The following CDH15 variants were observed in gnomAD, a reference collection of about 807,000 sequenced individuals.
CDH15 encodes cadherin 15.
A neutral mutation model predicts 69.4 loss-of-function variants in CDH15; 73 were observed. The observed-to-expected ratio is 1.05, with a 90% CI of 0.87 to 1.28. The LOEUF is 1.28. Among genes scored for constraint, CDH15 ranks in the 50% most tolerant of loss-of-function variants. CDH15 has a pLI of 0.00. For synonymous variants in CDH15, 624 were observed against 507.7 expected, an observed-to-expected ratio of 1.23 and a Z score of -3.08; for missense variants, 1,343 against 1,133.6, an observed-to-expected ratio of 1.18 and a Z score of -2.65.
At chr16:89,191,264 T>C (rs1915633500) in intron 8 of CDH15, 66 bp from the exon 9 acceptor site, 2 of 1,598,204 alleles carry the variant, frequency 1.3e-6, no homozygotes, top group African/African-American at 1.3e-5. Flanking sequence ...CACGCACCCA[T>C]ACCTGACCAC....
intron 8 of CDH15, 142 bp downstream of exon 8, chr16:89,190,638 C>T (rs748294642): frequency 1.7e-5 from 19 of 1,111,474 alleles, no homozygotes; most frequent in African/African-American, 3.1e-5. Flanking sequence ...TGGAGGGTCT[C>T]GAGTCCCGAG....
chr16:89,193,916 A>G lies in CDH15; in HGVS notation c.2151+3A>G, dbSNP rs1915721745. ...ACATCGCCGACTTCATCAATGATGT[A>G]GGTGCTCCTGGGGACACCCCAGTAC... is the stretch of plus-strand genomic sequence containing the variant. On this transcript the variant is annotated splice_donor_region_variant and intron_variant, in intron 13 of 13. Transcript: ENST00000289746. 2 of 1,611,930 alleles carry G rather than the reference A, an allele frequency of 1.2e-6. No individual in the cohort carries two copies. The highest frequency in any genetic ancestry group is 1.7e-6 in the Non-Finnish European group (2 of 1,179,714).
rs750833372 is a variant in CDH15 at position 89,185,417 on chromosome 16, C to T, written c.663+84C>T. ...GGTCCCTCTGCCCCCAGCCTGCCCA[C>T]CCCAGACGCTCCTGTCCCTGCCGTC... On this transcript the variant is annotated intron_variant, in intron 5 of 13. Coordinates refer to ENST00000289746, the MANE Select transcript of CDH15 (RefSeq NM_004933.3). 17 of 1,425,346 alleles carry T rather than the reference C, an allele frequency of 1.2e-5. No individual in the cohort carries two copies. The South Asian group carries it at 2.1e-4, about 17-fold the overall frequency. 88.3% of individuals were successfully genotyped at this position (1,425,346 alleles called of 1,614,324 possible).
At chr16:89,184,922 T>C (rs2151600824) in intron 4 of CDH15, among the ~76,000 whole-genome samples, 1 of 152,318 alleles carries the variant, frequency 6.6e-6, no homozygotes, top group East Asian at 1.9e-4. Context: ...GGCAAAAGGC[T>C]TCGACCACAT....
In CDH15 at chr16:89,192,395, C is replaced by T. The variant is rs577570693; in HGVS notation, c.1806C>T (p.Leu602=). The stretch of plus-strand genomic sequence containing the variant: ...CGCTGCTGGCGGGGGGCACAGGCCT[C>T]AGCCTGGGCGCACTGGTCATCGTGC... The part of the protein sequence containing the change: ...AAALLAGGTG[L]SLGALVIVLA... Residue 602 remains leucine (L), a synonymous_variant, in exon 11 of 14, where the codon CTC becomes CTT. Transcript: ENST00000289746. 1 of 1,539,482 alleles carries T rather than the reference C, an allele frequency of 6.5e-7. No homozygotes were observed. Among genetic ancestry groups the T allele is most frequent in the African/African-American group, 1.4e-5 (1 of 73,134 alleles).
chr16:89,193,358 C>CCAG, intron 11 of CDH15, 112 bp from the exon 12 acceptor site: 7 of 609,458 alleles, frequency 1.1e-5, no homozygotes, highest in East Asian at 3.7e-5. Context: ...CAACCCCACC[C>CCAG]CTGCTTACCA....
intron 1 of CDH15, among the ~76,000 whole-genome samples, chr16:89,176,504 C>T (rs111504662): frequency 2.0e-5 from 3 of 152,208 alleles, no homozygotes; most frequent in Non-Finnish European, 4.4e-5. Context: ...AGGCCTCCCA[C>T]GCAGGGTCCC....
At chr16:89,181,861 C>A (rs534359946) in intron 3 of CDH15, among the ~76,000 whole-genome samples, 5 of 151,836 alleles carry the variant, frequency 3.3e-5, no homozygotes, top group Admixed American at 2.6e-4. Flanking sequence ...ATCGCTGGAA[C>A]CCGGGAGGCG....
In CDH15 at chr16:89,195,086, G is replaced by A. The variant is rs1481366011; in HGVS notation, c.2376G>A (p.Trp792Ter). 3 of 1,611,558 alleles carry A rather than the reference G, an allele frequency of 1.9e-6. No individual in the cohort carries two copies. Among genetic ancestry groups the A allele is most frequent in the Non-Finnish European group, 2.5e-6 (3 of 1,179,232 alleles). ...GCGGGTTGGAGTACGGGGCCAGATG[G>A]GACCACCAGGCCAGGGAGGGTCTTT... is the stretch of plus-strand genomic sequence containing the variant. Reference protein sequence around the residue: ...HPCGLEYGARWDHQAREGLSP... With the variant: ...HPCGLEYGAR The change falls in exon 14 of 14, where the codon TGG becomes TGA. Residue 792 changes from tryptophan (W) to a stop codon, truncating the protein, a stop_gained. Coordinates refer to ENST00000289746, the MANE Select transcript of CDH15 (RefSeq NM_004933.3). LOFTEE classifies it low-confidence loss of function (END_TRUNC).
intron 8 of CDH15, 31 bp from the exon 9 acceptor site, chr16:89,191,299 C>G (rs1597311642): frequency 6.2e-7 from 1 of 1,612,298 alleles, no homozygotes; most frequent in Middle Eastern, 1.6e-4. Context: ...GGGGTAAACT[C>G]AGATCCCACT....
In CDH15 at chr16:89,192,453, G is replaced by A. The variant is rs754091466; in HGVS notation, c.1855+9G>A. The A allele has an allele frequency of 4.0e-5, 63 of 1,561,838 alleles. No individual in the cohort carries two copies. In the East Asian group the frequency reaches 8.5e-4, roughly 21 times the overall value. ...CGCCCTCCTGCTGCTGGGTGAGTGA[G>A]CGCCCCGCCTCCACCTGGACCCTCG... On this transcript the variant is annotated intron_variant, in intron 11 of 13. Coordinates refer to ENST00000289746, the MANE Select transcript of CDH15 (RefSeq NM_004933.3).
At chr16:89,181,846 G>A (rs944745907) in intron 3 of CDH15, among the ~76,000 whole-genome samples, 2 of 151,888 alleles carry the variant, frequency 1.3e-5, no homozygotes, top group African/African-American at 4.8e-5. Context: ...GGCTGAGGCA[G>A]GAGAATCGCT....
intron 13 of CDH15, 74 bp from the exon 14 acceptor site, chr16:89,194,788 C>T (rs1217842888): frequency 6.8e-7 from 1 of 1,469,316 alleles, no homozygotes; most frequent in Admixed American, 2.0e-5. Context: ...TGACTTTGCC[C>T]TGGGCTGTGG....
In CDH15 at chr16:89,186,084, T is replaced by C. The variant is rs377209883; in HGVS notation, c.663+751T>C. On this transcript the variant is annotated intron_variant, in intron 5 of 13. Transcript: ENST00000289746. ...CGCACAGTGGTGCTCTGTAAACGCT[T>C]ACCCAGCGCACAGTAGGTGCTCTGT... The C allele has an allele frequency of 1.9e-3, 259 of 133,674 alleles. 1 individual carries two copies. The highest frequency in any genetic ancestry group is 6.8e-3 in the East Asian group (28 of 4,124). The allele number at this position is 133,674 out of a possible 1,614,324, so 8.3% of individuals were successfully genotyped here. A position where few individuals can be genotyped will look rare whatever the true frequency, so the allele number is the denominator to read the frequency against.
chr16:89,191,519 G>A (rs535865456), intron 9 of CDH15, 47 bp downstream of exon 9: 82 of 1,605,600 alleles, frequency 5.1e-5, no homozygotes, highest in African/African-American at 8.0e-5. Flanking sequence ...GCCTTGTCCC[G>A]GCTGAGCACC....
rs1010142030 is a variant in CDH15, at chr16:89,181,958, AAAG to A, written c.358-1582_358-1580del. On this transcript the variant is annotated intron_variant, in intron 3 of 13. Coordinates refer to ENST00000289746, the MANE Select transcript of CDH15 (RefSeq NM_004933.3). The stretch of plus-strand genomic sequence containing the variant: ...GTCTCAAAAAAAAAAACAGAAGAAG[AAAG>A]AAGAAGAGGAGGAGGAAGAGGAGGA... 6.6e-5 allele frequency among the ~76,000 whole-genome samples: 10 copies of A among 151,342 alleles called. No individual in the cohort carries two copies. The East Asian group carries it at 1.2e-3, about 18-fold the overall frequency.
intron 2 of CDH15, among the ~76,000 whole-genome samples, 198 bp from the exon 3 acceptor site, chr16:89,180,002 G>T (rs1039119729): frequency 1.3e-5 from 2 of 152,238 alleles, no homozygotes; most frequent in Non-Finnish European, 2.9e-5. Flanking sequence ...GAGGCTGCAA[G>T]ACGGGGCACC....
chr16:89,174,914 G>T (rs181817353), intron 1 of CDH15, among the ~76,000 whole-genome samples: 417 of 152,232 alleles, frequency 2.7e-3, no homozygotes, highest in African/African-American at 9.4e-3. Flanking sequence ...CGGATGTCCC[G>T]ATCTCCCCAG....
At chr16:89,174,095 G>A (rs913341429) in intron 1 of CDH15, among the ~76,000 whole-genome samples, 6 of 152,248 alleles carry the variant, frequency 3.9e-5, no homozygotes, top group African/African-American at 1.4e-4. Context: ...TTCCCACAGT[G>A]GAAGGACAGC....
Sources: allele counts gnomAD v4.1 joint callset (sites outside exome capture counted in the v4.1 genomes callset), GRCh38; gene constraint gnomAD v4.1.1; transcripts MANE v1.5; gene names NCBI Gene and HGNC (gene_info 2026-07-23, HGNC 2026-07-21).